MARCHF3: variants seen among roughly 807,000 people sequenced by gnomAD.
The protein encoded by MARCHF3 is E3 ubiquitin-protein ligase MARCHF3.
A neutral mutation model predicts 24.2 loss-of-function variants in MARCHF3; 13 were observed. The observed-to-expected ratio is 0.54, with a 90% CI of 0.35 to 0.85. The LOEUF is 0.85. Among genes scored for constraint, MARCHF3 ranks in the 40% least tolerant of loss-of-function variants. MARCHF3 has a pLI of 0.01. For missense variants in MARCHF3, 276 were observed against 325.0 expected (o/e 0.85, Z 1.16); for synonymous variants, 144 against 137.3 (o/e 1.05, Z -0.34).
intron 1 of MARCHF3, among the ~76,000 whole-genome samples, chr5:126,997,882 G>A (rs990292141): frequency 1.3e-5 from 2 of 152,110 alleles, no homozygotes; most frequent in African/African-American, 2.4e-5. Context: ...AAACATAGCC[G>A]GTTGTTTTGG....
chr5:126,883,677 TGTTAAATCCCCTACTG>T (rs1164671758), intron 3 of MARCHF3, among the ~76,000 whole-genome samples: 1 of 152,186 alleles, frequency 6.6e-6, no homozygotes, highest in Admixed American at 6.5e-5. Context: ...AGTGTCAATA[TGTTAAATCCCCTACTG>T]GTTGGTGGGG....
intron 1 of MARCHF3, among the ~76,000 whole-genome samples, chr5:127,001,867 G>C (rs1752135544): frequency 6.6e-6 from 1 of 152,166 alleles, no homozygotes; most frequent in South Asian, 2.1e-4. Context: ...GGAGGATGAG[G>C]AATAATTTGG....
intron 1 of MARCHF3, among the ~76,000 whole-genome samples, chr5:127,015,527 A>G (rs1752611524): frequency 6.6e-6 from 1 of 152,190 alleles, no homozygotes; most frequent in Non-Finnish European, 1.5e-5. Flanking sequence ...AAAAAACACA[A>G]AAGCACACAC....
At chr5:126,890,079 A>G (rs1015319726) in intron 3 of MARCHF3, among the ~76,000 whole-genome samples, 1 of 152,028 alleles carries the variant, frequency 6.6e-6, no homozygotes, top group African/African-American at 2.4e-5. Context: ...GACTTTTTGG[A>G]TATCTTTCAC....
In MARCHF3 at chr5:126,920,024, A is replaced by G. The variant is rs183479252; in HGVS notation, c.-56-1797T>C. ...TAGGTCAACTAACTGACTAGGTTAAATAGGATTTTTTGCTTTTTTTAAAAA... is the reference window on the plus strand; with the variant it reads ...TAGGTCAACTAACTGACTAGGTTAAGTAGGATTTTTTGCTTTTTTTAAAAA... On this transcript the variant is annotated intron_variant, in intron 1 of 4. Transcript: ENST00000308660. Among the ~76,000 whole-genome samples, 379 of 152,310 alleles carry G rather than the reference A, an allele frequency of 2.5e-3. 3 individuals carry two copies. Among genetic ancestry groups the G allele is most frequent in the African/African-American group, 8.8e-3 (366 of 41,570 alleles).
chr5:126,962,760 T>C (rs746823530), intron 1 of MARCHF3, among the ~76,000 whole-genome samples: 2 of 151,364 alleles, frequency 1.3e-5, no homozygotes, highest in Non-Finnish European at 2.9e-5. Context: ...CTGAAAAAAA[T>C]CTGAAATCCA....
chr5:127,015,037 G>C (rs1490088232), intron 1 of MARCHF3, among the ~76,000 whole-genome samples: 1 of 152,110 alleles, frequency 6.6e-6, no homozygotes, highest in East Asian at 1.9e-4. Flanking sequence ...TAATTACCCT[G>C]ATCTGATCAC....
Position 126,870,810 on chromosome 5 carries a change from A to G in MARCHF3, c.604-19T>C, listed in dbSNP as rs1752942083. The G allele has an allele frequency of 1.2e-6, 2 of 1,612,716 alleles. No individual in the cohort carries two copies. Among genetic ancestry groups the G allele is most frequent in the African/African-American group, 1.3e-5 (1 of 75,020 alleles). On this transcript the variant is annotated intron_variant, in intron 4 of 4. Transcript: ENST00000308660. ...ATGACACCTGGGGATGGGAGAGGAA[A>G]AGTAAGAGAAAAGAATTCAGGTCAG...
intron 1 of MARCHF3, among the ~76,000 whole-genome samples, chr5:127,023,425 A>T (rs1561477948): frequency 1.3e-5 from 2 of 151,984 alleles, no homozygotes; most frequent in African/African-American, 4.8e-5. Flanking sequence ...TGCTGGAATT[A>T]TTTTTTTTAA....
intron 3 of MARCHF3, among the ~76,000 whole-genome samples, chr5:126,889,615 C>T (rs569036121): frequency 6.6e-6 from 1 of 152,214 alleles, no homozygotes; most frequent in African/African-American, 2.4e-5. Flanking sequence ...AAATTTCTTC[C>T]AAATAGAAGG....
chr5:126,954,517 TG>T (rs1020721542), intron 1 of MARCHF3, among the ~76,000 whole-genome samples: 53 of 151,870 alleles, frequency 3.5e-4, no homozygotes, highest in African/African-American at 1.3e-3. Flanking sequence ...ACTGCAGGTA[TG>T]TGCCACCATG....
chr5:126,962,786 C>A (rs1750678740), intron 1 of MARCHF3, among the ~76,000 whole-genome samples: 1 of 150,406 alleles, frequency 6.6e-6, no homozygotes, highest in Non-Finnish European at 1.5e-5. Flanking sequence ...CTTCTGGTCC[C>A]AGCATTTTGA....
At chr5:126,927,646 G>A (rs537286231) in intron 1 of MARCHF3, among the ~76,000 whole-genome samples, 4 of 152,246 alleles carry the variant, frequency 2.6e-5, no homozygotes, top group East Asian at 3.9e-4. Context: ...TGGGAGGACC[G>A]GCATGCTGTC....
At chr5:126,891,010 G>A (rs1753668998) in intron 3 of MARCHF3, among the ~76,000 whole-genome samples, 1 of 150,696 alleles carries the variant, frequency 6.6e-6, no homozygotes, top group African/African-American at 2.4e-5. Flanking sequence ...TCTCATTGTG[G>A]TTTTGATTTG....
rs572863503 is a variant in MARCHF3 at position 126,916,657 on chromosome 5, A to G, written c.188+1327T>C. On this transcript the variant is annotated intron_variant, in intron 2 of 4. Transcript: ENST00000308660. The stretch of plus-strand genomic sequence containing the variant: ...CTGGTTTACAGTACCGCATGGTGGG[A>G]AAGCAGGTAAAAATACCTGACAGAC... Among the ~76,000 whole-genome samples, 8 of 148,598 alleles carry G rather than the reference A, an allele frequency of 5.4e-5. No homozygotes were observed. The South Asian group carries it at 1.7e-3, about 32-fold the overall frequency.
chr5:126,940,343 A>T (rs1749786872), intron 1 of MARCHF3, among the ~76,000 whole-genome samples: 1 of 152,108 alleles, frequency 6.6e-6, no homozygotes, highest in Non-Finnish European at 1.5e-5. Flanking sequence ...TATCTCCTTT[A>T]CTCCTAATAG....
At chr5:126,949,031 C>T (rs1750128238) in intron 1 of MARCHF3, among the ~76,000 whole-genome samples, 1 of 152,134 alleles carries the variant, frequency 6.6e-6, no homozygotes, top group Non-Finnish European at 1.5e-5. Context: ...ATCAACAAAG[C>T]TTATGATATA....
intron 3 of MARCHF3, among the ~76,000 whole-genome samples, chr5:126,893,464 C>T (rs372281576): frequency 4.6e-5 from 7 of 151,730 alleles, no homozygotes; most frequent in Admixed American, 6.6e-5. Flanking sequence ...GCTTTGAATG[C>T]GTCCCAGAGA....
intron 1 of MARCHF3, among the ~76,000 whole-genome samples, chr5:127,015,914 T>C (rs1181123099): frequency 6.6e-6 from 1 of 152,164 alleles, no homozygotes. Flanking sequence ...CATCCTCTGC[T>C]TGTGCAGCAC....
Sources: gnomAD v4.1 joint callset for allele counts (sites outside exome capture counted in the v4.1 genomes callset) on GRCh38, gnomAD v4.1.1 for gene constraint, MANE v1.5 for transcripts, NCBI Gene and HGNC (gene_info 2026-07-23, HGNC 2026-07-21) for gene names.